The following PCBP3 variants were observed in gnomAD, a reference collection of about 807,000 sequenced individuals.
PCBP3 encodes poly(rC) binding protein 3.
A neutral mutation model predicts 52.7 loss-of-function variants in PCBP3; 25 were observed. That is an observed-to-expected ratio of 0.47 (90% CI 0.35 to 0.66). The LOEUF (loss-of-function observed/expected upper bound fraction) is 0.66, where lower values mean the gene tolerates loss of function less well. Ranked by LOEUF, PCBP3 falls within the 30% of genes least tolerant of loss-of-function variation. The probability of loss-of-function intolerance (pLI) is 0.01; values close to 1 mark genes in which losing one functional copy is unlikely to be tolerated. For synonymous variants in PCBP3, 162 were observed against 183.0 expected, an observed-to-expected ratio of 0.89 and a Z score of 0.93; for missense variants, 391 against 490.3, an observed-to-expected ratio of 0.80 and a Z score of 1.91.
At chr21:45,739,153 C>G (rs1174228717) in intron 3 of PCBP3, among the ~76,000 whole-genome samples, 13 of 99,034 alleles carry the variant, frequency 1.3e-4, no homozygotes, top group Non-Finnish European at 1.8e-4. Flanking sequence ...CCCTTCCTGT[C>G]CATTGTCCTC....
intron 2 of PCBP3, among the ~76,000 whole-genome samples, chr21:45,681,091 C>A (rs530145424): frequency 6.6e-6 from 1 of 152,138 alleles, no homozygotes; most frequent in Admixed American, 6.5e-5. Flanking sequence ...TCCCCGCCAC[C>A]CCTTTTATAA....
intron 1 of PCBP3, among the ~76,000 whole-genome samples, chr21:45,662,568 C>G (rs540920929): frequency 6.6e-6 from 1 of 151,806 alleles, no homozygotes; most frequent in Non-Finnish European, 1.5e-5. Flanking sequence ...TATAAAATAA[C>G]AAGAGTTATA....
At chr21:45,903,864 C>T (rs779182183) in intron 9 of PCBP3, among the ~76,000 whole-genome samples, 27 of 152,148 alleles carry the variant, frequency 1.8e-4, no homozygotes, top group Non-Finnish European at 3.7e-4. Context: ...CTCAGAGAAC[C>T]TCAGTTTGAG....
chr21:45,781,640 A>T (rs2090641372), intron 4 of PCBP3, among the ~76,000 whole-genome samples: 1 of 152,210 alleles, frequency 6.6e-6, no homozygotes, highest in African/African-American at 2.4e-5. Context: ...TTTCCCCAAG[A>T]GTAGTGAAAG....
chr21:45,664,838 A>G (rs960261680), intron 1 of PCBP3, among the ~76,000 whole-genome samples: 6 of 143,420 alleles, frequency 4.2e-5, no homozygotes, highest in African/African-American at 1.0e-4. Context: ...TCATTGTTCA[A>G]TTCCCACCTA....
At chr21:45,894,570 G>A (rs1043360416) in intron 5 of PCBP3, among the ~76,000 whole-genome samples, 1 of 152,200 alleles carries the variant, frequency 6.6e-6, no homozygotes, top group Non-Finnish European at 1.5e-5. Context: ...CTGTCTACAC[G>A]AATGCACTAC....
chr21:45,844,505 G>A (rs1569299596), intron 4 of PCBP3, among the ~76,000 whole-genome samples: 1 of 152,180 alleles, frequency 6.6e-6, no homozygotes, highest in Non-Finnish European at 1.5e-5. Context: ...ATTCAGCGTG[G>A]CTGGAGGATT....
At chr21:45,901,305 GTC>G in intron 9 of PCBP3, 192 bp downstream of exon 9, 2 of 566,448 alleles carry the variant, frequency 3.5e-6, no homozygotes, top group South Asian at 1.9e-5. Context: ...AGGGGCCAGT[GTC>G]TCTCCATCCT....
intron 3 of PCBP3, among the ~76,000 whole-genome samples, chr21:45,745,108 C>T (rs1319508829): frequency 1.3e-5 from 2 of 152,172 alleles, no homozygotes; most frequent in Non-Finnish European, 2.9e-5. Flanking sequence ...GGGTTGTATG[C>T]TGCCTGTGGT....
chr21:45,845,372 C>T (rs779546075), intron 4 of PCBP3, among the ~76,000 whole-genome samples: 11 of 152,276 alleles, frequency 7.2e-5, no homozygotes, highest in Non-Finnish European at 1.0e-4. Flanking sequence ...CTTAAGCACC[C>T]GTGTGCACAT....
At chr21:45,889,228 G>A (rs2095595470) in intron 5 of PCBP3, among the ~76,000 whole-genome samples, 1 of 152,172 alleles carries the variant, frequency 6.6e-6, no homozygotes, top group African/African-American at 2.4e-5. Context: ...GTGGAGAGAG[G>A]AGCTGTTAAA....
chr21:45,908,854 C>T (rs958417898), intron 9 of PCBP3, among the ~76,000 whole-genome samples: 14 of 152,130 alleles, frequency 9.2e-5, no homozygotes, highest in Admixed American at 5.9e-4. Context: ...AGCCTTCTCC[C>T]GCTTCTACAT....
chr21:45,900,651 G>A (rs764818829), intron 8 of PCBP3, 28 bp downstream of exon 8: 70 of 683,052 alleles, frequency 1.0e-4, no homozygotes, highest in Non-Finnish European at 7.3e-5. Flanking sequence ...CCACCTGTCC[G>A]CAGCCATTCC....
chr21:45,837,740 G>A lies in PCBP3; in HGVS notation c.-125-12221G>A, dbSNP rs763741518. Among the ~76,000 whole-genome samples, 20 of 152,196 alleles carry A rather than the reference G, an allele frequency of 1.3e-4. No individual in the cohort carries two copies. The highest frequency in any genetic ancestry group is 5.2e-4 in the Admixed American group (8 of 15,278). ...GCGAGCTTCCTAGGTGGCACTGCAC[G>A]TTGCACCGCATGGCATGATGAGGCG... On this transcript the variant is annotated intron_variant, in intron 4 of 17. Coordinates refer to ENST00000681687, the MANE Select transcript of PCBP3 (RefSeq NM_001384156.1). The surrounding 1 kb of genome is among the most constrained non-coding windows in gnomAD (Gnocchi z 4.1).
At chr21:45,762,371 A>T (rs564316030) in intron 4 of PCBP3, 4 of 152,272 alleles carry the variant, frequency 2.6e-5, no homozygotes, top group Non-Finnish European at 5.9e-5. Context: ...TGCATGTCCC[A>T]GTCTCGGGTG....
At position 45,904,119 on chromosome 21, in the gene PCBP3, C is replaced by T. The variant is rs1427411169; in HGVS notation, c.339+3006C>T. ...AAGATGTCATGGGAAGCAGCCGTAACCTACGCTATTACGTAGGTTATGTAG... is the reference window on the plus strand; with the variant it reads ...AAGATGTCATGGGAAGCAGCCGTAATCTACGCTATTACGTAGGTTATGTAG... On this transcript the variant is annotated intron_variant, in intron 9 of 17. Coordinates refer to ENST00000681687, the MANE Select transcript of PCBP3 (RefSeq NM_001384156.1). The surrounding 1 kb of genome is among the most constrained non-coding windows in gnomAD (Gnocchi z 4.8). Among the ~76,000 whole-genome samples the T allele has an allele frequency of 6.6e-6, 1 of 152,158 alleles. No individual in the cohort carries two copies. The highest frequency in any genetic ancestry group is 1.5e-5 in the Non-Finnish European group (1 of 68,018).
chr21:45,772,790 A>G (rs895374530), intron 4 of PCBP3, among the ~76,000 whole-genome samples: 1 of 152,144 alleles, frequency 6.6e-6, no homozygotes, highest in Non-Finnish European at 1.5e-5. Flanking sequence ...TCAAGATGAC[A>G]TCTCATTGTG....
At chr21:45,649,916 T>A (rs1214992215) in intron 1 of PCBP3, among the ~76,000 whole-genome samples, 2 of 152,130 alleles carry the variant, frequency 1.3e-5, no homozygotes, top group African/African-American at 4.8e-5. Context: ...TTCTATACAG[T>A]GTACTTATTT....
At chr21:45,839,107 T>C (rs1287324795) in intron 4 of PCBP3, among the ~76,000 whole-genome samples, 1 of 152,204 alleles carries the variant, frequency 6.6e-6, no homozygotes, top group Admixed American at 6.5e-5. Context: ...TCTTTTCACT[T>C]TTAGGAAGGT....
Sources: gnomAD v4.1 joint callset for allele counts (sites outside exome capture counted in the v4.1 genomes callset) on GRCh38, gnomAD v4.1.1 for gene constraint, Gnocchi (gnomAD v3.1) non-coding constraint, MANE v1.5 for transcripts, NCBI Gene and HGNC (gene_info 2026-07-23, HGNC 2026-07-21) for gene names.